The following CDH18 variants were observed in gnomAD, a reference collection of about 807,000 sequenced individuals.
CDH18 encodes the protein cadherin-18.
CDH18 carries 31 observed loss-of-function variants against 67.9 expected under a neutral mutation model. The ratio of observed to expected loss-of-function variants is 0.46; its 90% CI spans 0.34 to 0.62. CDH18 has a LOEUF of 0.62. Among genes scored for constraint, CDH18 ranks in the 20% least tolerant of loss-of-function variants. CDH18 has a pLI of 0.01. For missense variants in CDH18, 890 were observed against 975.5 expected (o/e 0.91, Z 1.17); for synonymous variants, 362 against 347.2 (o/e 1.04, Z -0.48).
chr5:19,807,687 A>G (rs1778176844), intron 3 of CDH18, among the ~76,000 whole-genome samples: 1 of 152,116 alleles, frequency 6.6e-6, no homozygotes, highest in Non-Finnish European at 1.5e-5. Flanking sequence ...TCCATTCCCA[A>G]TGACCACACA....
chr5:20,370,573 T>C (rs1463863360), intron 1 of CDH18, among the ~76,000 whole-genome samples: 2 of 152,172 alleles, frequency 1.3e-5, no homozygotes, highest in Non-Finnish European at 2.9e-5. Flanking sequence ...CTGCCCTATA[T>C]TGAGTATAGA....
At chr5:20,391,099 C>T (rs756131577) in intron 1 of CDH18, among the ~76,000 whole-genome samples, 9 of 151,476 alleles carry the variant, frequency 5.9e-5, no homozygotes, top group East Asian at 1.9e-4. Context: ...CTAACCTGCA[C>T]GTTATGCACA....
chr5:20,127,810 G>A (rs895499595), intron 2 of CDH18, among the ~76,000 whole-genome samples: 2 of 152,068 alleles, frequency 1.3e-5, no homozygotes, highest in East Asian at 3.9e-4. Flanking sequence ...TATATACCTA[G>A]AAAAGCATTT....
chr5:19,475,882 T>C (rs950147256), intron 12 of CDH18, among the ~76,000 whole-genome samples: 31 of 152,166 alleles, frequency 2.0e-4, no homozygotes, highest in African/African-American at 7.5e-4. Flanking sequence ...AACTGCCCTT[T>C]TACTGCTTAC....
At position 19,473,653 on chromosome 5, in the gene CDH18, T is replaced by G; in HGVS notation, c.1946A>C (p.Glu649Ala). The G allele has an allele frequency of 6.2e-7, 1 of 1,613,758 alleles. No individual in the cohort carries two copies. The highest frequency in any genetic ancestry group is 8.5e-7 in the Non-Finnish European group (1 of 1,179,804). Residue 649 changes from glutamate to alanine, a missense_variant, in exon 13 of 13, where the codon GAG (glutamate) becomes GCG (alanine). Physicochemically the swap from Glu to Ala is moderately radical, Grantham distance 107. Around this residue, in one of 2 missense-constraint regions of CDH18, gnomAD observed 656 missense variants for 668.1 expected, o/e 0.98. Coordinates refer to ENST00000382275, the MANE Select transcript of CDH18 (RefSeq NM_004934.5). Reference sequence around the variant, plus strand: ...GGTGACCACGTTCTCCCGTACATCCTCTTCTGAAATGATCAAGGGCTCTTT... The same window carrying G: ...GGTGACCACGTTCTCCCGTACATCCGCTTCTGAAATGATCAAGGGCTCTTT... ...SKKEPLIISE[E>A]DVRENVVTYD... is the part of the protein sequence containing the mutation.
rs1419424600 is a variant in CDH18 at position 19,890,680 on chromosome 5, C to T, written c.-256-51438G>A. ...CATAATCTTGGCTCACTGCAACCTCCGCATCCTGGGTTCAAGTGATTCTCC... is the reference window on the plus strand; with the variant it reads ...CATAATCTTGGCTCACTGCAACCTCTGCATCCTGGGTTCAAGTGATTCTCC... On this transcript the variant is annotated intron_variant, in intron 2 of 12. Transcript: ENST00000382275. Among the ~76,000 whole-genome samples, 3 of 151,682 alleles carry T rather than the reference C, an allele frequency of 2.0e-5. 1 individual carries two copies. Among genetic ancestry groups the T allele is most frequent in the South Asian group, 4.2e-4 (2 of 4,798 alleles).
Position 19,839,133 on chromosome 5 carries a change from T to C in CDH18, c.-147A>G. 1.6e-6 allele frequency: 1 copy of C among 626,314 alleles called. No homozygotes were observed. The highest frequency in any genetic ancestry group is 2.8e-6 in the Non-Finnish European group (1 of 351,908). The allele number at this position is 626,314 out of a possible 1,614,324, so 38.8% of individuals were successfully genotyped here. A position where few individuals can be genotyped will look rare whatever the true frequency, so the allele number is the denominator to read the frequency against. ...AGCGTGTCCATGATTTAACTGTCCA[T>C]CAGGGAAAGGTCAGATCATATTTAC... On this transcript the variant is annotated 5_prime_UTR_variant, in exon 3 of 13. The change abolishes an upstream ATG in the 5' untranslated region. Coordinates refer to ENST00000382275, the MANE Select transcript of CDH18 (RefSeq NM_004934.5).
chr5:19,831,815 G>T (rs1581550464), intron 3 of CDH18, among the ~76,000 whole-genome samples: 1 of 152,064 alleles, frequency 6.6e-6, no homozygotes, highest in African/African-American at 2.4e-5. Flanking sequence ...TATGTTCATT[G>T]CAGCACTATT....
chr5:20,400,789 ATAAAATAAG>A (rs1461115063), intron 1 of CDH18, among the ~76,000 whole-genome samples: 2 of 152,174 alleles, frequency 1.3e-5, no homozygotes, highest in Non-Finnish European at 2.9e-5. Context: ...AATCAAACAA[ATAAAATAAG>A]TAAAATAAGT....
intron 2 of CDH18, among the ~76,000 whole-genome samples, chr5:20,198,878 T>C (rs1739210535): frequency 6.6e-6 from 1 of 152,182 alleles, no homozygotes; most frequent in Admixed American, 6.5e-5. Flanking sequence ...TGGGTTATTG[T>C]TTCAGAGGGT....
At chr5:20,392,478 C>A (rs1297704119) in intron 1 of CDH18, among the ~76,000 whole-genome samples, 4 of 151,686 alleles carry the variant, frequency 2.6e-5, no homozygotes, top group Non-Finnish European at 4.4e-5. Flanking sequence ...GAACTCAATT[C>A]ATATATATTT....
chr5:20,412,547 A>G lies in CDH18; in HGVS notation c.-579-157042T>C, dbSNP rs201295775. On this transcript the variant is annotated intron_variant, in intron 1 of 14. Coordinates refer to the CDH18 transcript ENST00000507958. ...AGAGCTTCTGCATAACAAGAGAAAC[A>G]GTGCAAACTGGCAACCTACAGAATG... is the stretch of plus-strand genomic sequence containing the variant. Among the ~76,000 whole-genome samples the G allele has an allele frequency of 4.6e-5, 7 of 152,228 alleles. No homozygotes were observed. In the East Asian group the frequency reaches 1.3e-3, roughly 29 times the overall value.
At chr5:19,617,154 T>C (rs924731352) in intron 5 of CDH18, among the ~76,000 whole-genome samples, 1 of 152,200 alleles carries the variant, frequency 6.6e-6, no homozygotes, top group Non-Finnish European at 1.5e-5. Flanking sequence ...GTCCTGCCAT[T>C]ATGTTTCCAT....
chr5:19,485,405 G>A (rs1740220751), intron 11 of CDH18, among the ~76,000 whole-genome samples: 1 of 152,032 alleles, frequency 6.6e-6, no homozygotes, highest in Admixed American at 6.6e-5. Flanking sequence ...ACAGGCGCCT[G>A]CCAACATGCC....
At chr5:20,556,350 G>T (rs530518787) in intron 1 of CDH18, among the ~76,000 whole-genome samples, 1 of 152,148 alleles carries the variant, frequency 6.6e-6, no homozygotes, top group Non-Finnish European at 1.5e-5. Flanking sequence ...GACCATTGCA[G>T]TATAGCTTAT....
intron 3 of CDH18, among the ~76,000 whole-genome samples, chr5:19,755,143 A>C (rs1368160576): frequency 2.0e-5 from 3 of 151,750 alleles, no homozygotes; most frequent in African/African-American, 7.3e-5. Context: ...CAGCAGAAGA[A>C]AGGAAATAAC....
chr5:20,515,921 G>T lies in CDH18; in HGVS notation c.-580+59541C>A, dbSNP rs371950121. Among the ~76,000 whole-genome samples the T allele has an allele frequency of 8.5e-5, 13 of 152,070 alleles. No individual in the cohort carries two copies. In the East Asian group the frequency reaches 1.9e-3, roughly 23 times the overall value. ...GTTAAGTTGCTTGACTAATTGATTGGCATTAACTTAATTAAACAAATTAAG... is the reference window on the plus strand; with the variant it reads ...GTTAAGTTGCTTGACTAATTGATTGTCATTAACTTAATTAAACAAATTAAG... On this transcript the variant is annotated intron_variant, in intron 1 of 14. Transcript: ENST00000507958.
chr5:20,279,128 G>A (rs1746028899), intron 1 of CDH18, among the ~76,000 whole-genome samples: 1 of 151,884 alleles, frequency 6.6e-6, no homozygotes, highest in Admixed American at 6.6e-5. Flanking sequence ...GATAAGAAAT[G>A]AGACTCAAAG....
chr5:20,173,674 A>C (rs1737017399), intron 2 of CDH18, among the ~76,000 whole-genome samples: 1 of 152,208 alleles, frequency 6.6e-6, no homozygotes, highest in Non-Finnish European at 1.5e-5. Context: ...ATCTTGAACA[A>C]AGATGTTGAG....
Sources: allele counts gnomAD v4.1 joint callset (sites outside exome capture counted in the v4.1 genomes callset), GRCh38; gene constraint gnomAD v4.1.1; regional missense constraint gnomAD v4.1.1; transcripts MANE v1.5; gene names NCBI Gene and HGNC (gene_info 2026-07-23, HGNC 2026-07-21).